PRDM2: variants seen among roughly 807,000 people sequenced by gnomAD.
The protein encoded by PRDM2 is PR domain zinc finger protein 2.
PRDM2 carries 30 observed loss-of-function variants against 130.0 expected under a neutral mutation model. The ratio of observed to expected loss-of-function variants is 0.23; its 90% CI spans 0.17 to 0.31. PRDM2 has a LOEUF of 0.31. Among genes scored for constraint, PRDM2 ranks in the 10% least tolerant of loss-of-function variants. The pLI, the probability that PRDM2 is intolerant of heterozygous loss-of-function variation, is 1.00. For missense variants in PRDM2, 2,011 were observed against 2,108.4 expected, an observed-to-expected ratio of 0.95 and a Z score of 0.90; for synonymous variants, 871 against 782.4, an observed-to-expected ratio of 1.11 and a Z score of -1.89.
At chr1:13,741,744 G>A (rs973714853) in intron 4 of PRDM2, among the ~76,000 whole-genome samples, 1 of 150,850 alleles carries the variant, frequency 6.6e-6, no homozygotes, top group Admixed American at 6.6e-5. Context: ...GTGTGTGTGT[G>A]TGTGTGTGTG....
chr1:13,787,023 T>G lies in PRDM2; in HGVS notation c.5036+4192T>G, dbSNP rs915467746. 7.1e-6 allele frequency: 7 copies of G among 985,746 alleles called. No homozygotes were observed. The African/African-American group carries it at 1.2e-4, about 17-fold the overall frequency. The allele number at this position is 985,746 out of a possible 1,614,324, so 61.1% of individuals were successfully genotyped here. A position where few individuals can be genotyped will look rare whatever the true frequency, so the allele number is the denominator to read the frequency against. On this transcript the variant is annotated intron_variant, in intron 8 of 9. Transcript: ENST00000311066. ...AATTAATTATAGACAGAGAGAGGCATTTAGCTGATCTCTTACCCCTGGTAT... is the reference window on the plus strand; with the variant it reads ...AATTAATTATAGACAGAGAGAGGCAGTTAGCTGATCTCTTACCCCTGGTAT...
intron 7 of PRDM2, among the ~76,000 whole-genome samples, chr1:13,776,358 C>T (rs1286718703): frequency 6.6e-6 from 1 of 152,146 alleles, no homozygotes; most frequent in African/African-American, 2.4e-5. Context: ...CTTAACTCTC[C>T]TAGTGCCTGC....
At chr1:13,763,505 A>G (rs796741474) in intron 6 of PRDM2, among the ~76,000 whole-genome samples, 32 of 152,228 alleles carry the variant, frequency 2.1e-4, no homozygotes, top group African/African-American at 7.7e-4. Flanking sequence ...TTTTTCCTGA[A>G]CGGTTTTCCT....
At position 13,779,352 on chromosome 1, in the gene PRDM2, A is replaced by C; in HGVS notation, c.1557A>C (p.Gly519=). The C allele has an allele frequency of 6.2e-7, 1 of 1,614,188 alleles. No homozygotes were observed. Among genetic ancestry groups the C allele is most frequent in the Non-Finnish European group, 8.5e-7 (1 of 1,180,018 alleles). ...TTCCCAAAGGTGTACGGCGAAAAGGAGGCCTTGAAGAGCCCCAGCCTCCAG... is the reference window on the plus strand; with the variant it reads ...TTCCCAAAGGTGTACGGCGAAAAGGCGGCCTTGAAGAGCCCCAGCCTCCAG... ...HLIPKGVRRK[G]GLEEPQPPAE... Residue 519 remains glycine (G), a synonymous_variant, in exon 8 of 10, where the codon GGA becomes GGC. Coordinates refer to ENST00000311066, the MANE Select transcript of PRDM2 (RefSeq NM_001393986.1). The surrounding 1 kb of genome is among the most constrained non-coding windows in gnomAD (Gnocchi z 4.9).
chr1:13,779,102 C>A lies in PRDM2; in HGVS notation c.1307C>A (p.Ser436Tyr), dbSNP rs779124055. 2.4e-5 allele frequency: 38 copies of A among 1,614,120 alleles called. No homozygotes were observed. In the African/African-American group the frequency reaches 4.7e-4, roughly 20 times the overall value. Residue 436 changes from serine to tyrosine, a missense_variant, in exon 8 of 10, where the codon TCT (serine) becomes TAT (tyrosine). Physicochemically the swap from Ser to Tyr is moderately radical, Grantham distance 144 (BLOSUM62 -2). Transcript: ENST00000311066. This position sits in a 1 kb window ranked among gnomAD's most constrained non-coding sequence, Gnocchi z 4.9. The stretch of plus-strand genomic sequence containing the variant: ...GAGGATCTGGCTGATGGCAAAGCAT[C>A]TGGAGAAAACGTTGCTTCAAAAGAT... ...PSEDLADGKA[S>Y]GENVASKDDS...
Position 13,816,503 on chromosome 1 carries a change from G to T in PRDM2, c.5113G>T (p.Ala1705Ser), listed in dbSNP as rs767634401. The change falls in exon 9 of 10, where the codon GCT becomes TCT. Residue 1705 changes from alanine to serine, a missense_variant. Coordinates refer to ENST00000311066, the MANE Select transcript of PRDM2 (RefSeq NM_001393986.1). ...CACCAGGCAGTATAGGAAGGTCAAA[G>T]CTCCAGCTGCAGCCCAGTTCCAGGG... ...YITRQYRKVKAPAAAQFQGPF... is the reference protein window; with the variant it reads ...YITRQYRKVKSPAAAQFQGPF... 6.2e-7 allele frequency: 1 copy of T among 1,614,136 alleles called. No individual in the cohort carries two copies. Among genetic ancestry groups the T allele is most frequent in the South Asian group, 1.1e-5 (1 of 91,080 alleles).
rs563037629 is a variant in PRDM2 at position 13,774,742 on chromosome 1, C to T, written c.622+1554C>T. ...CTGTAATCCCAGCACTTTGGGAGGC[C>T]GAGGCGGGTGGATCACAAGGTCAGG... On this transcript the variant is annotated intron_variant, in intron 7 of 9. Coordinates refer to ENST00000311066, the MANE Select transcript of PRDM2 (RefSeq NM_001393986.1). Among the ~76,000 whole-genome samples the T allele has an allele frequency of 1.2e-4, 18 of 152,082 alleles. No homozygotes were observed. In the South Asian group the frequency reaches 2.7e-3, roughly 23 times the overall value.
chr1:13,753,503 G>A (rs561970719), intron 6 of PRDM2, among the ~76,000 whole-genome samples: 96 of 152,286 alleles, frequency 6.3e-4, no homozygotes, highest in Non-Finnish European at 1.2e-3. Context: ...GTACTGTGAC[G>A]ACACTCAAGT....
intron 9 of PRDM2, among the ~76,000 whole-genome samples, chr1:13,822,244 C>T (rs1645364084): frequency 6.6e-6 from 1 of 152,100 alleles, no homozygotes; most frequent in Non-Finnish European, 1.5e-5. Flanking sequence ...AGCATTTCCG[C>T]TCAGCACAAA....
intron 2 of PRDM2, among the ~76,000 whole-genome samples, chr1:13,725,531 C>G (rs1642884486): frequency 6.6e-6 from 1 of 152,162 alleles, no homozygotes; most frequent in Non-Finnish European, 1.5e-5. Context: ...TTTACCCAGC[C>G]TTTTCTAGCA....
chr1:13,779,535 T>A lies in PRDM2; in HGVS notation c.1740T>A (p.Thr580=). 1 of 1,613,900 alleles carries A rather than the reference T, an allele frequency of 6.2e-7. No homozygotes were observed. The highest frequency in any genetic ancestry group is 8.5e-7 in the Non-Finnish European group (1 of 1,179,740). ...GTAAAATTCAAACTAATAACAACACTAGTAACTGTGATGTGATTGAGATGG... is the reference window on the plus strand; with the variant it reads ...GTAAAATTCAAACTAATAACAACACAAGTAACTGTGATGTGATTGAGATGG... ...IDGKIQTNNN[T]SNCDVIEMES... Residue 580 remains threonine, a synonymous_variant, in exon 8 of 10, where the codon ACT becomes ACA. Coordinates refer to ENST00000311066, the MANE Select transcript of PRDM2 (RefSeq NM_001393986.1). This position sits in a 1 kb window ranked among gnomAD's most constrained non-coding sequence, Gnocchi z 4.9.
At chr1:13,725,428 C>T (rs1018756985) in intron 2 of PRDM2, among the ~76,000 whole-genome samples, 2 of 152,148 alleles carry the variant, frequency 1.3e-5, no homozygotes, top group African/African-American at 2.4e-5. Flanking sequence ...TGGTCTTGAA[C>T]TCCTGACCTC....
At chr1:13,769,812 AGACCGTC>A (rs1644316982) in intron 6 of PRDM2, among the ~76,000 whole-genome samples, 1 of 152,372 alleles carries the variant, frequency 6.6e-6, no homozygotes, top group South Asian at 2.1e-4. Flanking sequence ...ATACATGTAT[AGACCGTC>A]GAGTGTGATC....
chr1:13,763,533 A>G (rs1226326681), intron 6 of PRDM2, among the ~76,000 whole-genome samples: 1 of 152,192 alleles, frequency 6.6e-6, no homozygotes, highest in African/African-American at 2.4e-5. Flanking sequence ...ATGGGTAGGC[A>G]GTAGACAAGA....
intron 9 of PRDM2, among the ~76,000 whole-genome samples, chr1:13,819,096 A>G (rs1480997903): frequency 2.0e-5 from 3 of 152,202 alleles, no homozygotes; most frequent in African/African-American, 7.2e-5. Context: ...CAAGGCTGCT[A>G]CGTGAACCTT....
chr1:13,789,380 G>T (rs1474457804), intron 8 of PRDM2, among the ~76,000 whole-genome samples: 1 of 152,188 alleles, frequency 6.6e-6, no homozygotes, highest in Non-Finnish European at 1.5e-5. Context: ...CTTAATGTAT[G>T]CCTGGCTGTG....
At chr1:13,730,952 T>C in intron 2 of PRDM2, 48 bp from the exon 3 acceptor site, 1 of 1,353,590 alleles carries the variant, frequency 7.4e-7, no homozygotes. Context: ...AACCCATGAT[T>C]TGAGTTTTCT....
intron 6 of PRDM2, chr1:13,770,300 G>C (rs776472779): frequency 2.1e-6 from 1 of 484,332 alleles, no homozygotes; most frequent in Admixed American, 2.1e-5. Context: ...CTTTTAGGTA[G>C]GGAATAAAAC....
intron 8 of PRDM2, among the ~76,000 whole-genome samples, chr1:13,810,954 G>A (rs1158120540): frequency 6.6e-6 from 1 of 151,950 alleles, no homozygotes; most frequent in Non-Finnish European, 1.5e-5. Context: ...GGAGGCCGAG[G>A]TGGGTGGATC....
Sources: gnomAD v4.1 joint callset for allele counts (sites outside exome capture counted in the v4.1 genomes callset) on GRCh38, gnomAD v4.1.1 for gene constraint, Gnocchi (gnomAD v3.1) non-coding constraint, MANE v1.5 for transcripts, NCBI Gene and HGNC (gene_info 2026-07-23, HGNC 2026-07-21) for gene names.